LIPA: variants seen among roughly 807,000 people sequenced by gnomAD.
LIPA encodes the protein lysosomal acid lipase/cholesteryl ester hydrolase.
LIPA carries 26 observed loss-of-function variants against 40.6 expected under a neutral mutation model. The ratio of observed to expected loss-of-function variants is 0.64; its 90% confidence interval spans 0.47 to 0.89. The LOEUF (loss-of-function observed/expected upper bound fraction) is 0.89, where lower values mean the gene tolerates loss of function less well. Ranked by LOEUF, LIPA falls within the 40% of genes least tolerant of loss-of-function variation. LIPA has a pLI of 0.00. For synonymous variants in LIPA, 188 were observed against 168.4 expected (o/e 1.12, Z -0.90); for missense variants, 455 against 479.6 (o/e 0.95, Z 0.48).
chr10:89,395,487 C>A (rs961377424), intron 2 of LIPA, among the ~76,000 whole-genome samples: 1 of 152,010 alleles, frequency 6.6e-6, no homozygotes, highest in Non-Finnish European at 1.5e-5. Flanking sequence ...CTATTTTTTT[C>A]AATTGCCTCC....
At chr10:89,223,908 C>T (rs1207528751) in intron 6 of LIPA, 78 bp from the exon 7 acceptor site, 8 of 1,448,968 alleles carry the variant, frequency 5.5e-6, no homozygotes, top group Non-Finnish European at 7.8e-6. Context: ...ACCTCAGAAG[C>T]AGAGACAAGT....
chr10:89,297,240 C>A (rs1244122464), intron 1 of LIPA, among the ~76,000 whole-genome samples: 4 of 152,192 alleles, frequency 2.6e-5, no homozygotes, highest in African/African-American at 9.7e-5. Flanking sequence ...CTGCTGCAAT[C>A]TGAAACATGA....
intron 5 of LIPA, 62 bp from the exon 6 acceptor site, chr10:89,225,290 ACAAAGGC>A (rs1842754295): frequency 6.2e-7 from 1 of 1,604,802 alleles, no homozygotes; most frequent in Non-Finnish European, 8.5e-7. Flanking sequence ...CTCAGAAAAC[ACAAAGGC>A]CGTCACTCGC....
intron 2 of LIPA, among the ~76,000 whole-genome samples, chr10:89,245,996 C>T (rs904909956): frequency 1.3e-5 from 2 of 151,992 alleles, no homozygotes; most frequent in African/African-American, 4.8e-5. Flanking sequence ...TTCCACCTAC[C>T]GGTGTCTGGT....
intron 3 of LIPA, among the ~76,000 whole-genome samples, chr10:89,245,033 T>C (rs1429431709): frequency 1.3e-5 from 2 of 152,166 alleles, no homozygotes; most frequent in African/African-American, 4.8e-5. Context: ...GGTAAATAAA[T>C]AATGATACAG....
At chr10:89,338,735 A>C in intron 1 of LIPA, 1 of 1,614,002 alleles carries the variant, frequency 6.2e-7, no homozygotes. Context: ...TTATTCAAGG[A>C]AGACAGTGTC....
chr10:89,220,327 A>G (rs1842681989), intron 8 of LIPA, among the ~76,000 whole-genome samples: 1 of 152,160 alleles, frequency 6.6e-6, no homozygotes. Context: ...TGGGGGTGCA[A>G]TAACTGATGA....
chr10:89,339,364 T>C (rs766944919), intron 1 of LIPA: 19 of 1,613,710 alleles, frequency 1.2e-5, no homozygotes, highest in Non-Finnish European at 1.6e-5. Flanking sequence ...CTTGGAAAAG[T>C]CTCCTTGCCA....
At chr10:89,260,018 T>C (rs1332998249) in intron 1 of LIPA, among the ~76,000 whole-genome samples, 1 of 152,208 alleles carries the variant, frequency 6.6e-6, no homozygotes, top group Non-Finnish European at 1.5e-5. Flanking sequence ...AAATGTACAA[T>C]TTAAATATGT....
chr10:89,225,212 T>C lies in LIPA; in HGVS notation c.555A>G (p.Ser185=). 1 of 1,614,112 alleles carries C rather than the reference T, an allele frequency of 6.2e-7. No homozygotes were observed. The highest frequency in any genetic ancestry group is 8.5e-7 in the Non-Finnish European group (1 of 1,180,004). The change falls in exon 6 of 10, where the codon TCA becomes TCG. Residue 185 remains serine (S), a synonymous_variant. Coordinates refer to ENST00000336233, the MANE Select transcript of LIPA (RefSeq NM_000235.4). ...TCCTTTTAGCCAGCTCAGGGATCTG[T>C]GAAAATGCTATAAAACCTGTGAGAA... ...QGTTIGFIAF[S]QIPELAKRIK... is the part of the protein sequence containing the mutation.
intron 2 of LIPA, chr10:89,393,218 C>CAA (rs1192486975): frequency 4.7e-6 from 6 of 1,289,746 alleles, no homozygotes; most frequent in Non-Finnish European, 6.1e-6. Context: ...GAAAAGCTCA[C>CAA]AGCCTTCCTC....
chr10:89,262,112 A>G (rs954409180), intron 1 of LIPA, among the ~76,000 whole-genome samples: 3 of 152,192 alleles, frequency 2.0e-5, no homozygotes, highest in African/African-American at 7.2e-5. Context: ...ATAGAAAACA[A>G]GATTTTTATT....
intron 1 of LIPA, among the ~76,000 whole-genome samples, chr10:89,282,359 C>T (rs560828079): frequency 3.4e-4 from 52 of 152,150 alleles, no homozygotes; most frequent in African/African-American, 1.2e-3. Context: ...TACTTTTGGC[C>T]GGGCATGGTG....
chr10:89,253,876 C>T (rs1843167043), upstream of LIPA, among the ~76,000 whole-genome samples: 1 of 152,232 alleles, frequency 6.6e-6, no homozygotes, highest in Non-Finnish European at 1.5e-5. Flanking sequence ...TCCATCAAGG[C>T]AGTCATTTCT....
intron 2 of LIPA, chr10:89,392,995 G>A: frequency 1.4e-6 from 1 of 727,210 alleles, no homozygotes; most frequent in South Asian, 1.9e-5. Context: ...GAGTTTTGCA[G>A]GAAGGGAGAA....
chr10:89,240,084 A>T (rs1351198313), intron 3 of LIPA, among the ~76,000 whole-genome samples: 2 of 152,180 alleles, frequency 1.3e-5, no homozygotes, highest in African/African-American at 4.8e-5. Context: ...AGAAGAAAGC[A>T]CCTGCAGGGG....
chr10:89,305,349 A>G (rs1220513206), intron 1 of LIPA, among the ~76,000 whole-genome samples: 1 of 152,170 alleles, frequency 6.6e-6, no homozygotes. Context: ...GAAAGTTTGA[A>G]TAGACAAAAT....
At chr10:89,350,025 C>T (rs1843948503) in intron 2 of LIPA, among the ~76,000 whole-genome samples, 1 of 152,182 alleles carries the variant, frequency 6.6e-6, no homozygotes, top group African/African-American at 2.4e-5. Flanking sequence ...TAGCCCTCAT[C>T]TACCATTAGT....
intron 2 of LIPA, among the ~76,000 whole-genome samples, chr10:89,366,247 C>CTGTT (rs992265866): frequency 2.6e-5 from 4 of 152,034 alleles, no homozygotes; most frequent in East Asian, 1.9e-4. Context: ...ATTTGGCTCT[C>CTGTT]TGTCTGTTAT....
Sources: allele counts gnomAD v4.1 joint callset (sites outside exome capture counted in the v4.1 genomes callset), GRCh38; gene constraint gnomAD v4.1.1; transcripts MANE v1.5; gene names NCBI Gene and HGNC (gene_info 2026-07-23, HGNC 2026-07-21).